Variants in RRBP1 observed in about 807,000 individuals in gnomAD.
RRBP1 encodes ribosome binding protein 1, also known as ribosome-binding protein 1.
A neutral mutation model predicts 165.2 loss-of-function variants in RRBP1; 94 were observed. The observed-to-expected ratio is 0.57, with a 90% CI of 0.48 to 0.68. RRBP1 has a LOEUF of 0.68. Among genes scored for constraint, RRBP1 ranks in the 30% least tolerant of loss-of-function variants. The probability of loss-of-function intolerance (pLI) is 0.00; values close to 1 mark genes in which losing one functional copy is unlikely to be tolerated. For missense variants in RRBP1, 1,676 were observed against 1,763.0 expected (o/e 0.95, Z 0.88); for synonymous variants, 680 against 714.5 (o/e 0.95, Z 0.77).
At position 17,620,315 on chromosome 20, in the gene RRBP1, A is replaced by G. The variant is rs777006988; in HGVS notation, c.3563T>C (p.Leu1188Pro). Residue 1188 changes from leucine to proline, a missense_variant, in exon 18 of 25, where the codon CTT becomes CCT. By Grantham distance (98) the Leu-to-Pro change is moderately conservative. This residue lies in a region of RRBP1 where 1,184 missense variants were observed against 1,167.1 expected (regional missense o/e 1.01). Coordinates refer to ENST00000377813, the MANE Select transcript of RRBP1 (RefSeq NM_001365613.2). ...AGCACATACCTGGTCCGAACTTTCA[A>G]GTTCTCCTTTTAGCTTCTCTACAAT... ...EEIVEKLKGE[L>P]ESSDQVREHT... 3 of 1,613,630 alleles carry G rather than the reference A, an allele frequency of 1.9e-6. No individual in the cohort carries two copies. Among genetic ancestry groups the G allele is most frequent in the Non-Finnish European group, 2.5e-6 (3 of 1,179,784 alleles).
rs1475869176 is a variant in RRBP1 at position 17,627,293 on chromosome 20, T to C, written c.2963+55A>G. 5.6e-6 allele frequency: 9 copies of C among 1,594,250 alleles called. No individual in the cohort carries two copies. The Admixed American group carries it at 1.5e-4, about 27-fold the overall frequency. ...TGAAAACCCTGGCCCCCCAAGGGTC[T>C]TTGGTCCCCCGGGCTGAGGCTCAAG... On this transcript the variant is annotated intron_variant, in intron 11 of 24. Transcript: ENST00000377813.
At chr20:17,636,548 C>T (rs1320743512) in intron 6 of RRBP1, 29 bp downstream of exon 6, 3 of 1,604,898 alleles carry the variant, frequency 1.9e-6, no homozygotes, top group Non-Finnish European at 2.5e-6. Context: ...CCTGTCCCTT[C>T]CCATGCCCCC....
intron 14 of RRBP1, 35 bp downstream of exon 14, chr20:17,621,820 C>T (rs1464172807): frequency 6.2e-7 from 1 of 1,612,012 alleles, no homozygotes; most frequent in African/African-American, 1.3e-5. Flanking sequence ...TCCCTGAGAA[C>T]TGTGAGGTCC....
chr20:17,664,849 G>A (rs1456658580), intron 2 of RRBP1, among the ~76,000 whole-genome samples: 1 of 152,110 alleles, frequency 6.6e-6, no homozygotes, highest in African/African-American at 2.4e-5. Context: ...TCCATTTCCT[G>A]GGCATAAGGT....
intron 3 of RRBP1, among the ~76,000 whole-genome samples, chr20:17,651,355 C>T (rs2036553209): frequency 6.6e-6 from 1 of 152,176 alleles, no homozygotes; most frequent in Non-Finnish European, 1.5e-5. Flanking sequence ...TAAAAACGTA[C>T]CCACCTTTTG....
intron 2 of RRBP1, among the ~76,000 whole-genome samples, chr20:17,678,322 T>C (rs539139685): frequency 1.3e-5 from 2 of 152,370 alleles, no homozygotes; most frequent in East Asian, 3.9e-4. Flanking sequence ...TTATTTTCTG[T>C]CTTTGTTACA....
chr20:17,624,003 G>A lies in RRBP1; in HGVS notation c.3147+573C>T, dbSNP rs142006281. ...AGAGGCCCAAGCAGCAGGATTACCC[G>A]ACAAAAGGACACACAACAGAAATAA... is the stretch of plus-strand genomic sequence containing the variant. On this transcript the variant is annotated intron_variant, in intron 13 of 24. Coordinates refer to ENST00000377813, the MANE Select transcript of RRBP1 (RefSeq NM_001365613.2). 4.9e-3 allele frequency among the ~76,000 whole-genome samples: 747 copies of A among 151,768 alleles called. 4 individuals are homozygous for A. The highest frequency in any genetic ancestry group is 8.1e-3 in the Non-Finnish European group (552 of 67,986).
chr20:17,663,155 G>C (rs1326686217), intron 2 of RRBP1, among the ~76,000 whole-genome samples: 1 of 152,220 alleles, frequency 6.6e-6, no homozygotes, highest in Admixed American at 6.5e-5. Context: ...TCTTTACCGA[G>C]TCGCGATTGG....
At chr20:17,618,743 G>A (rs1014241179) in intron 19 of RRBP1, 64 bp from the exon 20 acceptor site, 12 of 1,261,588 alleles carry the variant, frequency 9.5e-6, no homozygotes, top group East Asian at 2.3e-5. Context: ...ACCAGTCCCC[G>A]TGAGTTAGCG....
At chr20:17,653,777 T>C (rs1315877441) in intron 3 of RRBP1, among the ~76,000 whole-genome samples, 1 of 145,024 alleles carries the variant, frequency 6.9e-6, no homozygotes, top group Non-Finnish European at 1.5e-5. Flanking sequence ...GAGGTTGCAG[T>C]GAGCCGAGAT....
intron 21 of RRBP1, 41 bp downstream of exon 21, chr20:17,616,690 TG>T: frequency 7.2e-7 from 1 of 1,379,328 alleles, no homozygotes; most frequent in Non-Finnish European, 1.0e-6. Flanking sequence ...TGCACTCTTC[TG>T]GGATTAGTGA....
rs374120298 is a variant in RRBP1 at position 17,627,708 on chromosome 20, A to G, written c.2750-26T>C. The G allele has an allele frequency of 6.4e-6, 10 of 1,560,314 alleles. No homozygotes were observed. The African/African-American group carries it at 1.2e-4, about 19-fold the overall frequency. Reference sequence around the variant, plus strand: ...CTGGTGCAGAGGAAGGGAAACGAGAAGTTAAGAGACTGCAAACCCCAGGGG... The same window carrying G: ...CTGGTGCAGAGGAAGGGAAACGAGAGGTTAAGAGACTGCAAACCCCAGGGG... On this transcript the variant is annotated intron_variant, in intron 9 of 24. Transcript: ENST00000377813.
chr20:17,675,308 C>T (rs904862872), intron 2 of RRBP1, among the ~76,000 whole-genome samples: 1 of 152,250 alleles, frequency 6.6e-6, no homozygotes, highest in African/African-American at 2.4e-5. Flanking sequence ...CAGACTCCTT[C>T]AGGCTACATG....
intron 2 of RRBP1, among the ~76,000 whole-genome samples, chr20:17,664,394 G>A (rs996442243): frequency 6.6e-6 from 1 of 152,174 alleles, no homozygotes; most frequent in African/African-American, 2.4e-5. Context: ...ACAGCTTTCT[G>A]CTGGTAACTG....
intron 2 of RRBP1, among the ~76,000 whole-genome samples, chr20:17,662,104 T>C (rs1411614877): frequency 1.3e-5 from 2 of 151,834 alleles, no homozygotes; most frequent in African/African-American, 2.4e-5. Flanking sequence ...CTACTAAAAA[T>C]ACAAAAAACT....
At chr20:17,662,352 G>A (rs2036781855) in intron 2 of RRBP1, among the ~76,000 whole-genome samples, 1 of 152,194 alleles carries the variant, frequency 6.6e-6, no homozygotes, top group Non-Finnish European at 1.5e-5. Flanking sequence ...CAAGAAGAGG[G>A]TTTAAAACAC....
intron 5 of RRBP1, among the ~76,000 whole-genome samples, chr20:17,637,857 G>C (rs548920399): frequency 5.6e-4 from 86 of 152,308 alleles, no homozygotes; most frequent in African/African-American, 2.0e-3. Context: ...CTACAGAAGT[G>C]GGGGGCGGGA....
chr20:17,676,083 CT>C (rs2037076567), intron 2 of RRBP1, among the ~76,000 whole-genome samples: 1 of 152,210 alleles, frequency 6.6e-6, no homozygotes. Flanking sequence ...GTAGCATGCA[CT>C]TGTGGTACCA....
chr20:17,620,257 C>T (rs375274048), intron 18 of RRBP1, 42 bp downstream of exon 18: 1 of 1,484,610 alleles, frequency 6.7e-7, no homozygotes. Context: ...TTCAAAGAGG[C>T]TCCCGGGACA....
Sources: allele counts gnomAD v4.1 joint callset (sites outside exome capture counted in the v4.1 genomes callset), GRCh38; gene constraint gnomAD v4.1.1; regional missense constraint gnomAD v4.1.1; transcripts MANE v1.5; gene names NCBI Gene and HGNC (gene_info 2026-07-23, HGNC 2026-07-21).